ARMC3: variants seen among roughly 807,000 people sequenced by gnomAD.
ARMC3 encodes armadillo repeat containing 3, also known as armadillo repeat-containing protein 3.
Under a neutral mutation model 90.3 loss-of-function variants are expected in ARMC3, and 74 were observed. That is an observed-to-expected ratio of 0.82 (90% CI 0.68 to 0.99). The LOEUF is 0.99. Ranked by LOEUF, ARMC3 falls within the 50% of genes least tolerant of loss-of-function variation. The pLI is 0.00. For missense variants in ARMC3, 958 were observed against 1,042.8 expected (o/e 0.92, Z 1.12); for synonymous variants, 334 against 361.8 (o/e 0.92, Z 0.87).
intron 3 of ARMC3, among the ~76,000 whole-genome samples, chr10:22,954,225 C>T (rs1206136225): frequency 1.3e-5 from 2 of 152,132 alleles, no homozygotes; most frequent in Admixed American, 6.5e-5. Context: ...TTTTCTTATT[C>T]AGTTTTAGAA....
At chr10:22,955,383 C>T (rs1186678641) in intron 3 of ARMC3, 1 of 159,672 alleles carries the variant, frequency 6.3e-6, no homozygotes, top group African/African-American at 2.4e-5. Context: ...GTCCTAGGCA[C>T]CCAAAGGTAT....
intron 6 of ARMC3, 67 bp downstream of exon 6, chr10:22,959,641 T>C: frequency 5.5e-6 from 8 of 1,467,788 alleles, no homozygotes; most frequent in Non-Finnish European, 6.4e-6. Flanking sequence ...CCATTAAAAA[T>C]AGAAAAAAGC....
In ARMC3 at chr10:22,981,389, A is replaced by G. The variant is rs1430013622; in HGVS notation, c.966A>G (p.Val322=). 6.2e-7 allele frequency: 1 copy of G among 1,613,698 alleles called. No homozygotes were observed. The highest frequency in any genetic ancestry group is 1.3e-5 in the African/African-American group (1 of 74,922). The change falls in exon 9 of 19, where the codon GTA becomes GTG. Residue 322 remains valine (V), a synonymous_variant. Transcript: ENST00000298032. ...FHEQEVEKCL[V]ALLGSENDGT... ...AACAAGAGGTTGAAAAGTGCCTTGT[A>G]GCCCTTTTGGGTTCTGAAAATGATG... is the stretch of plus-strand genomic sequence containing the variant.
At chr10:23,026,478 A>G (rs929098629) in intron 16 of ARMC3, among the ~76,000 whole-genome samples, 2 of 152,144 alleles carry the variant, frequency 1.3e-5, no homozygotes, top group Non-Finnish European at 2.9e-5. Flanking sequence ...TATAAAGAAG[A>G]AAAACCAACT....
At chr10:22,988,424 A>G (rs1836556486) in intron 10 of ARMC3, among the ~76,000 whole-genome samples, 1 of 152,222 alleles carries the variant, frequency 6.6e-6, no homozygotes, top group Admixed American at 6.5e-5. Context: ...TGGAATGTTA[A>G]GTTTCTCCAG....
intron 8 of ARMC3, among the ~76,000 whole-genome samples, chr10:22,972,118 G>A (rs1013999290): frequency 1.6e-4 from 24 of 152,132 alleles, no homozygotes; most frequent in South Asian, 4.1e-4. Flanking sequence ...TTTGAAAACA[G>A]TTTCTCCCAT....
At chr10:22,959,818 G>T in intron 6 of ARMC3, 1 of 570,640 alleles carries the variant, frequency 1.8e-6, no homozygotes, top group South Asian at 1.6e-5. Flanking sequence ...TGTTTTTAAA[G>T]AATAGAATGG....
chr10:23,024,408 A>G (rs534062689), intron 16 of ARMC3, among the ~76,000 whole-genome samples: 106 of 125,810 alleles, frequency 8.4e-4, no homozygotes, highest in Non-Finnish European at 1.6e-3. Flanking sequence ...ATAGATAGAT[A>G]GATAGATAGA....
At chr10:23,027,356 A>G (rs1473898476) in intron 16 of ARMC3, among the ~76,000 whole-genome samples, 1 of 152,204 alleles carries the variant, frequency 6.6e-6, no homozygotes, top group Non-Finnish European at 1.5e-5. Context: ...TGTTTTGCAA[A>G]GTTTATCTGT....
rs1007251587 is a variant in ARMC3 at position 23,030,645 on chromosome 10, G to A, written c.2095G>A (p.Val699Ile). 1.9e-6 allele frequency: 3 copies of A among 1,613,622 alleles called. No homozygotes were observed. The highest frequency in any genetic ancestry group is 2.7e-5 in the African/African-American group (2 of 74,888). Reference protein sequence around the residue: ...EEEKVKEEEEVMVVPKFVGEG... With the variant: ...EEEKVKEEEEIMVVPKFVGEG... Reference sequence around the variant, plus strand: ...GGAAAAAGTGAAAGAGGAGGAAGAGGTTATGGTGGTACCAAAATTTGTTGG... The same window carrying A: ...GGAAAAAGTGAAAGAGGAGGAAGAGATTATGGTGGTACCAAAATTTGTTGG... Residue 699 changes from valine to isoleucine, a missense_variant, in exon 17 of 19, where the codon GTT (valine) becomes ATT (isoleucine). Coordinates refer to ENST00000298032, the MANE Select transcript of ARMC3 (RefSeq NM_173081.5).
rs190864384 is a variant in ARMC3 at position 22,962,215 on chromosome 10, C to T, written c.732+137C>T. The stretch of plus-strand genomic sequence containing the variant: ...TTATTGCTACATAAAGTTTATTGGC[C>T]TGCTTAAATCAGGCTAATTGTAGAC... On this transcript the variant is annotated intron_variant, in intron 7 of 18. Coordinates refer to ENST00000298032, the MANE Select transcript of ARMC3 (RefSeq NM_173081.5). 113 of 590,378 alleles carry T rather than the reference C, an allele frequency of 1.9e-4. No individual in the cohort carries two copies. In the East Asian group the frequency reaches 3.8e-3, roughly 20 times the overall value. The allele number at this position is 590,378 out of a possible 1,614,324, so 36.6% of individuals were successfully genotyped here.
chr10:23,003,067 C>A (rs1837392100), intron 12 of ARMC3, among the ~76,000 whole-genome samples, 179 bp from the exon 13 acceptor site: 1 of 152,118 alleles, frequency 6.6e-6, no homozygotes, highest in South Asian at 2.1e-4. Flanking sequence ...GCATATGTAT[C>A]CTTAAGAAGG....
chr10:23,028,707 G>T (rs956225662), intron 16 of ARMC3, among the ~76,000 whole-genome samples: 1 of 152,094 alleles, frequency 6.6e-6, no homozygotes, highest in Non-Finnish European at 1.5e-5. Flanking sequence ...GTGCTATTTG[G>T]ATTGGTTCTG....
At chr10:22,950,005 A>G (rs1267216675) in intron 3 of ARMC3, among the ~76,000 whole-genome samples, 1 of 152,132 alleles carries the variant, frequency 6.6e-6, no homozygotes, top group Non-Finnish European at 1.5e-5. Context: ...AAAGAAAAAT[A>G]AAAACTTTCA....
chr10:22,930,820 C>T (rs900506735), intron 1 of ARMC3, among the ~76,000 whole-genome samples: 10 of 152,148 alleles, frequency 6.6e-5, no homozygotes, highest in South Asian at 2.1e-4. Context: ...ATTGCTCCTA[C>T]GATATACCGT....
chr10:22,971,030 A>G (rs1407814450), intron 8 of ARMC3, among the ~76,000 whole-genome samples: 1 of 152,210 alleles, frequency 6.6e-6, no homozygotes, highest in African/African-American at 2.4e-5. Context: ...AAGTATACCA[A>G]TTAAACAATC....
intron 8 of ARMC3, among the ~76,000 whole-genome samples, chr10:22,974,931 A>AT (rs1305116009): frequency 4.7e-3 from 3 of 638 alleles, no homozygotes; most frequent in South Asian, 0.062. Context: ...CATGAGCCCC[A>AT]CCCTGGCCAA....
At chr10:23,011,677 C>CT (rs910500723) in intron 16 of ARMC3, among the ~76,000 whole-genome samples, 33 of 151,362 alleles carry the variant, frequency 2.2e-4, no homozygotes, top group East Asian at 7.7e-4. Flanking sequence ...TCCTTGCTTG[C>CT]TTTTTTTTTA....
At chr10:22,976,030 TC>T (rs1835905342) in intron 8 of ARMC3, among the ~76,000 whole-genome samples, 1 of 152,208 alleles carries the variant, frequency 6.6e-6, no homozygotes. Context: ...GGCAGTGGAC[TC>T]CTTTAGCCCA....
Sources: gnomAD v4.1 joint callset for allele counts (sites outside exome capture counted in the v4.1 genomes callset) on GRCh38, gnomAD v4.1.1 for gene constraint, MANE v1.5 for transcripts, NCBI Gene and HGNC (gene_info 2026-07-23, HGNC 2026-07-21) for gene names.